The following NTM variants were observed in gnomAD, a reference collection of about 807,000 sequenced individuals.
NTM encodes the protein neurotrimin, also known as IgLON family member 2.
NTM carries 13 observed loss-of-function variants against 42.1 expected under a neutral mutation model. The observed-to-expected ratio is 0.31, with a 90% CI of 0.20 to 0.49. The LOEUF (loss-of-function observed/expected upper bound fraction) is 0.49, where lower values mean the gene tolerates loss of function less well. Ranked by LOEUF, NTM falls within the 20% of genes least tolerant of loss-of-function variation. The pLI, the probability that NTM is intolerant of heterozygous loss-of-function variation, is 0.99. For missense variants in NTM, 373 were observed against 452.8 expected, an observed-to-expected ratio of 0.82 and a Z score of 1.60; for synonymous variants, 187 against 179.2, an observed-to-expected ratio of 1.04 and a Z score of -0.35.
In NTM at chr11:132,217,348, C is replaced by T. The variant is rs2084061720; in HGVS notation, c.526+5201C>T. ...CACTCTTGTGCCTCTTTCTCTCTCT[C>T]TCTCTCTTTCTGTGTGTGTGTGTGT... On this transcript the variant is annotated intron_variant, in intron 4 of 8. Transcript: ENST00000683400. 2.8e-5 allele frequency among the ~76,000 whole-genome samples: 4 copies of T among 141,700 alleles called. 1 individual carries two copies. The highest frequency in any genetic ancestry group is 7.1e-5 in the Admixed American group (1 of 14,000). The allele number at this position is 141,700 out of a possible 152,430, so 93.0% of individuals were successfully genotyped here. A position where few individuals can be genotyped will look rare whatever the true frequency, so the allele number is the denominator to read the frequency against.
At chr11:131,814,251 C>T (rs1259388320) in intron 1 of NTM, among the ~76,000 whole-genome samples, 2 of 152,272 alleles carry the variant, frequency 1.3e-5, no homozygotes, top group Middle Eastern at 3.4e-3. Context: ...GCTATGTTCC[C>T]TGGTGTTTCC....
chr11:131,987,857 C>A (rs2066341167), intron 2 of NTM, among the ~76,000 whole-genome samples: 2 of 152,188 alleles, frequency 1.3e-5, no homozygotes, highest in Non-Finnish European at 2.9e-5. Context: ...AAATATTGAG[C>A]ATGTGCTATA....
chr11:131,466,260 G>A (rs910402466), intron 1 of NTM, among the ~76,000 whole-genome samples: 9 of 152,134 alleles, frequency 5.9e-5, no homozygotes, highest in African/African-American at 1.7e-4. Flanking sequence ...AGAGATGAGC[G>A]GAGGAATTCA....
chr11:131,731,406 A>G (rs1256047855), intron 1 of NTM, among the ~76,000 whole-genome samples: 1 of 152,188 alleles, frequency 6.6e-6, no homozygotes, highest in East Asian at 1.9e-4. Context: ...TGTGAGTGAG[A>G]TCAAAGCATT....
chr11:131,919,380 A>G (rs2056896611), intron 2 of NTM, among the ~76,000 whole-genome samples: 1 of 152,218 alleles, frequency 6.6e-6, no homozygotes. Flanking sequence ...ATTTTTAGGA[A>G]ACCAAGGACT....
chr11:131,679,237 G>T (rs1425002534), intron 1 of NTM, among the ~76,000 whole-genome samples: 1 of 152,060 alleles, frequency 6.6e-6, no homozygotes, highest in Non-Finnish European at 1.5e-5. Flanking sequence ...CTCCTCCCCT[G>T]TGCTTGAGTC....
rs869056003 is a variant in NTM at position 131,598,875 on chromosome 11, TCTTCCTTCCTTCCTTCCTTC to T, written c.82+228016_82+228035del. 8.6e-5 allele frequency among the ~76,000 whole-genome samples: 3 copies of T among 35,004 alleles called. 1 individual carries two copies. Among genetic ancestry groups the T allele is most frequent in the Non-Finnish European group, 1.2e-4 (2 of 16,452 alleles). 23.0% of individuals were successfully genotyped at this position (35,004 alleles called of 152,430 possible). ...TTCCTTCCTTCCTTCCTTCCTTCCTTCTTCCTTCCTTCCTTCCTTCCTTCCTTCCTTCCTTCCTTCCTTCC... is the reference window on the plus strand; with the variant it reads ...TTCCTTCCTTCCTTCCTTCCTTCCTTCTTCCTTCCTTCCTTCCTTCCTTCC... On this transcript the variant is annotated intron_variant, in intron 1 of 8. Coordinates refer to ENST00000683400, the MANE Select transcript of NTM (RefSeq NM_001352005.2).
intron 1 of NTM, among the ~76,000 whole-genome samples, chr11:131,660,025 C>T (rs1274444977): frequency 6.6e-6 from 1 of 152,192 alleles, no homozygotes; most frequent in Non-Finnish European, 1.5e-5. Context: ...AGGGGCTGTT[C>T]TTGCAAGTAG....
At chr11:131,834,629 T>A (rs2043251788) in intron 1 of NTM, among the ~76,000 whole-genome samples, 1 of 144,660 alleles carries the variant, frequency 6.9e-6, no homozygotes, top group South Asian at 2.2e-4. Flanking sequence ...CATATACATA[T>A]ATATATATAT....
chr11:132,002,977 T>C lies in NTM; in HGVS notation c.167+91329T>C, dbSNP rs546908099. Among the ~76,000 whole-genome samples the C allele has an allele frequency of 6.6e-6, 1 of 152,174 alleles. No individual in the cohort carries two copies. The highest frequency in any genetic ancestry group is 2.4e-5 in the African/African-American group (1 of 41,420). ...AAAACCTTTGTCTTCAAGAAGCTTT[T>C]ACTGTCCGCCTGTCAAAGTTCCTGA... On this transcript the variant is annotated intron_variant, in intron 2 of 8. Coordinates refer to ENST00000683400, the MANE Select transcript of NTM (RefSeq NM_001352005.2). The surrounding 1 kb of genome is among the most constrained non-coding windows in gnomAD (Gnocchi z 4.5).
chr11:131,449,770 C>G (rs1950344173), intron 1 of NTM, among the ~76,000 whole-genome samples: 1 of 152,208 alleles, frequency 6.6e-6, no homozygotes, highest in South Asian at 2.1e-4. Context: ...ACTGGAGAGG[C>G]CTTGGAAGCC....
chr11:131,691,561 C>A (rs550691390), intron 1 of NTM, among the ~76,000 whole-genome samples: 3 of 151,992 alleles, frequency 2.0e-5, no homozygotes, highest in East Asian at 1.9e-4. Flanking sequence ...CCTGAAAGCC[C>A]CCCCCCGACT....
intron 2 of NTM, among the ~76,000 whole-genome samples, chr11:132,037,315 C>G (rs1320551710): frequency 6.6e-6 from 1 of 152,120 alleles, no homozygotes; most frequent in East Asian, 1.9e-4. Context: ...CTCCCTTCAC[C>G]TCAGCCATGA....
intron 1 of NTM, among the ~76,000 whole-genome samples, chr11:131,616,845 T>C (rs1318023313): frequency 6.6e-6 from 1 of 151,822 alleles, no homozygotes; most frequent in Non-Finnish European, 1.5e-5. Flanking sequence ...GCTGTTTTAA[T>C]GAATGCACCT....
intron 3 of NTM, among the ~76,000 whole-genome samples, chr11:132,149,429 G>A (rs1384907772): frequency 1.3e-5 from 2 of 151,984 alleles, no homozygotes; most frequent in Admixed American, 6.6e-5. Context: ...AATAAAAACA[G>A]CAACAACAAA....
chr11:131,949,330 T>C (rs144845905), intron 2 of NTM, among the ~76,000 whole-genome samples: 49 of 152,346 alleles, frequency 3.2e-4, no homozygotes, highest in African/African-American at 1.2e-3. Context: ...ATATGTTATG[T>C]ACATTTATTG....
intron 1 of NTM, among the ~76,000 whole-genome samples, chr11:131,778,164 A>T (rs78577280): frequency 1.3e-5 from 2 of 152,310 alleles, no homozygotes; most frequent in South Asian, 4.1e-4. Context: ...TCAAATCCCA[A>T]TATCCAGATG....
At chr11:132,283,062 C>T (rs1031144429) in intron 4 of NTM, among the ~76,000 whole-genome samples, 4 of 140,774 alleles carry the variant, frequency 2.8e-5, no homozygotes, top group Admixed American at 1.5e-4. Flanking sequence ...TTTTGGCTCA[C>T]TGCAACCTTC....
At chr11:131,446,253 C>T (rs931620691) in intron 1 of NTM, among the ~76,000 whole-genome samples, 3 of 148,246 alleles carry the variant, frequency 2.0e-5, no homozygotes, top group African/African-American at 4.9e-5. Flanking sequence ...TTCTGGACAA[C>T]TGTTCCTATT....
Sources: gnomAD v4.1 joint callset for allele counts (sites outside exome capture counted in the v4.1 genomes callset) on GRCh38, gnomAD v4.1.1 for gene constraint, Gnocchi (gnomAD v3.1) non-coding constraint, MANE v1.5 for transcripts, NCBI Gene and HGNC (gene_info 2026-07-23, HGNC 2026-07-21) for gene names.